The following DROSHA variants were observed in gnomAD, a reference collection of about 807,000 sequenced individuals.
DROSHA encodes the protein drosha ribonuclease III, also known as ribonuclease 3.
In DROSHA, 56 loss-of-function variants were observed where a neutral mutation model predicts 181.9. The observed-to-expected ratio is 0.31, with a 90% CI of 0.25 to 0.38. The LOEUF (loss-of-function observed/expected upper bound fraction) is 0.38, where lower values mean the gene tolerates loss of function less well. Among genes scored for constraint, DROSHA ranks in the 10% least tolerant of loss-of-function variants. The pLI is 1.00. For synonymous variants in DROSHA, 524 were observed against 591.2 expected (o/e 0.89, Z 1.65); for missense variants, 1,218 against 1,743.5 (o/e 0.70, Z 5.37).
At chr5:31,449,141 A>G in intron 22 of DROSHA, 140 bp downstream of exon 22, 1 of 1,225,356 alleles carries the variant, frequency 8.2e-7, no homozygotes, top group Non-Finnish European at 1.1e-6. Flanking sequence ...TCTCAAAAAA[A>G]AAAAAAAAGA....
In DROSHA at chr5:31,409,813, A is replaced by G. The variant is rs1343190972; in HGVS notation, c.3668-481T>C. On this transcript the variant is annotated intron_variant, in intron 31 of 35. Transcript: ENST00000344624. The surrounding 1 kb of genome is among the most constrained non-coding windows in gnomAD (Gnocchi z 4.0). The stretch of plus-strand genomic sequence containing the variant: ...TAATTTATAGATTCAATCTGCCCAA[A>G]AAGAGAAAAACTTAATACTGATCTT... Among the ~76,000 whole-genome samples the G allele has an allele frequency of 6.6e-6, 1 of 152,182 alleles. No individual in the cohort carries two copies. Among genetic ancestry groups the G allele is most frequent in the Non-Finnish European group, 1.5e-5 (1 of 68,040 alleles).
intron 5 of DROSHA, among the ~76,000 whole-genome samples, chr5:31,525,636 A>C (rs1740453726): frequency 6.6e-6 from 1 of 152,146 alleles, no homozygotes; most frequent in South Asian, 2.1e-4. Context: ...TTATCCTAAA[A>C]CTCAGAAAGT....
At chr5:31,490,066 G>C (rs1211508392) in intron 13 of DROSHA, among the ~76,000 whole-genome samples, 4 of 151,934 alleles carry the variant, frequency 2.6e-5, no homozygotes, top group Non-Finnish European at 5.9e-5. Flanking sequence ...GGTAGAGACA[G>C]GGTTTCACTA....
chr5:31,491,288 T>C (rs1177873735), intron 13 of DROSHA, among the ~76,000 whole-genome samples: 2 of 150,328 alleles, frequency 1.3e-5, no homozygotes, highest in Non-Finnish European at 2.9e-5. Context: ...CCAAACACCA[T>C]GGTAAACACT....
intron 2 of DROSHA, among the ~76,000 whole-genome samples, chr5:31,531,225 G>A (rs972877105): frequency 6.6e-6 from 1 of 152,186 alleles, no homozygotes; most frequent in African/African-American, 2.4e-5. Flanking sequence ...AGGGCTTAGG[G>A]GAACACAAAG....
chr5:31,430,864 G>A (rs1265242940), intron 26 of DROSHA, among the ~76,000 whole-genome samples: 1 of 152,012 alleles, frequency 6.6e-6, no homozygotes, highest in Non-Finnish European at 1.5e-5. Flanking sequence ...TAAGAACAAA[G>A]CCCTTTGAAA....
At position 31,528,002 on chromosome 5, in the gene DROSHA, C is replaced by T. The variant is rs191946469; in HGVS notation, c.20+1038G>A. On this transcript the variant is annotated intron_variant, in intron 4 of 35. Transcript: ENST00000344624. ...ATCAGTCCAGTTGCCTCCCCAGCCC[C>T]CACCCCCATGGATGCGTTTCTTGGC... Among the ~76,000 whole-genome samples the T allele has an allele frequency of 2.2e-3, 337 of 152,226 alleles. 1 individual carries two copies. The highest frequency in any genetic ancestry group is 3.4e-3 in the Middle Eastern group (1 of 294).
chr5:31,412,428 T>C (rs996304634), intron 30 of DROSHA, among the ~76,000 whole-genome samples: 4 of 152,206 alleles, frequency 2.6e-5, no homozygotes, highest in South Asian at 2.1e-4. Flanking sequence ...TGTTGCACTT[T>C]CTTTATTAGA....
At chr5:31,458,415 T>C (rs1455780437) in intron 20 of DROSHA, among the ~76,000 whole-genome samples, 2 of 152,216 alleles carry the variant, frequency 1.3e-5, no homozygotes, top group African/African-American at 4.8e-5. Flanking sequence ...AGGATCTTCA[T>C]CTCAGGGTAA....
intron 16 of DROSHA, among the ~76,000 whole-genome samples, chr5:31,478,630 A>G (rs1321964275): frequency 6.6e-6 from 1 of 152,172 alleles, no homozygotes; most frequent in Non-Finnish European, 1.5e-5. Flanking sequence ...GCAACTTGGG[A>G]GGCTGAGGCA....
rs375176423 is a variant in DROSHA, at chr5:31,493,313, C to T, written c.1756-20G>A. On this transcript the variant is annotated intron_variant, in intron 12 of 35. Transcript: ENST00000344624. ...GTCAGTCTAAAAGCAAACAGAAACA[C>T]GAACCCCAAATTAAATAAATGACAT... is the stretch of plus-strand genomic sequence containing the variant. The T allele has an allele frequency of 1.5e-5, 24 of 1,573,704 alleles. No individual in the cohort carries two copies. The highest frequency in any genetic ancestry group is 5.4e-5 in the African/African-American group (4 of 73,928).
Position 31,449,162 on chromosome 5 carries a change from A to C in DROSHA, c.2821+119T>G, listed in dbSNP as rs774362819. 13 of 1,307,710 alleles carry C rather than the reference A, an allele frequency of 9.9e-6. No individual in the cohort carries two copies. In the South Asian group the frequency reaches 1.7e-4, roughly 17 times the overall value. 81.0% of individuals were successfully genotyped at this position (1,307,710 alleles called of 1,614,324 possible). A position where few individuals can be genotyped will look rare whatever the true frequency, so the allele number is the denominator to read the frequency against. ...AAAAAAAAAAAAAGAGTCAGTAAGCACTAGAATATGAGACGGTGAAAGAGT... is the reference window on the plus strand; with the variant it reads ...AAAAAAAAAAAAAGAGTCAGTAAGCCCTAGAATATGAGACGGTGAAAGAGT... On this transcript the variant is annotated intron_variant, in intron 22 of 35. Transcript: ENST00000344624.
In DROSHA at chr5:31,526,899, A is replaced by C. The variant is rs1740660487; in HGVS notation, c.34T>G (p.Phe12Val). 2 of 1,612,736 alleles carry C rather than the reference A, an allele frequency of 1.2e-6. No individual in the cohort carries two copies. The highest frequency in any genetic ancestry group is 2.7e-5 in the African/African-American group (2 of 74,966). The change falls in exon 5 of 36, where the codon TTC (phenylalanine) becomes GTC (valine). Residue 12 changes from phenylalanine (F) to valine (V), a missense_variant. Around this residue, in one of 8 missense-constraint regions of DROSHA, gnomAD observed 536 missense variants for 535.4 expected, o/e 1.00. Coordinates refer to ENST00000344624, the MANE Select transcript of DROSHA (RefSeq NM_001382508.1). ...CGGGGACACCCTCGTCCCGGGTGGA[A>C]CGACATTCTGTGACTTCATGGCAGA... ...MQGNTCHRMS[F>V]HPGRGCPRGR...
intron 13 of DROSHA, among the ~76,000 whole-genome samples, chr5:31,492,850 A>G (rs1432255835): frequency 6.6e-6 from 1 of 152,244 alleles, no homozygotes; most frequent in African/African-American, 2.4e-5. Flanking sequence ...TTGCTCAGAG[A>G]CTAAACAATG....
intron 16 of DROSHA, among the ~76,000 whole-genome samples, chr5:31,473,489 T>G (rs1443884403): frequency 1.3e-5 from 2 of 152,188 alleles, no homozygotes. Flanking sequence ...ATTTATTGAG[T>G]GCCTTTTATG....
At chr5:31,484,163 A>G (rs1385639361) in intron 15 of DROSHA, among the ~76,000 whole-genome samples, 5 of 152,062 alleles carry the variant, frequency 3.3e-5, no homozygotes, top group Non-Finnish European at 7.4e-5. Context: ...CGAGGTCAGG[A>G]TATCGAGACC....
intron 25 of DROSHA, among the ~76,000 whole-genome samples, chr5:31,433,609 A>C (rs1744445886): frequency 6.6e-6 from 1 of 152,128 alleles, no homozygotes; most frequent in South Asian, 2.1e-4. Context: ...CAGTGGCACA[A>C]TCTAGGCTCA....
intron 11 of DROSHA, among the ~76,000 whole-genome samples, chr5:31,497,037 G>C (rs11956609): frequency 0.039 from 5,861 of 152,224 alleles, 374 homozygotes; most frequent in African/African-American, 0.14. Flanking sequence ...TGCAACCAAT[G>C]GTAACCCCGT....
chr5:31,405,763 G>GTTT, intron 34 of DROSHA, 40 bp from the exon 35 acceptor site: 2 of 424,706 alleles, frequency 4.7e-6, no homozygotes, highest in Non-Finnish European at 7.3e-6. Context: ...TTAATTTCAA[G>GTTT]ATTCTTTTTT....
Sources: gnomAD v4.1 joint callset for allele counts (sites outside exome capture counted in the v4.1 genomes callset) on GRCh38, gnomAD v4.1.1 for gene constraint, gnomAD v4.1.1 regional missense constraint, Gnocchi (gnomAD v3.1) non-coding constraint, MANE v1.5 for transcripts, NCBI Gene and HGNC (gene_info 2026-07-23, HGNC 2026-07-21) for gene names.